Variants in ZFPM2 observed in about 807,000 individuals in gnomAD.
ZFPM2 encodes zinc finger protein ZFPM2.
A neutral mutation model predicts 98.6 loss-of-function variants in ZFPM2; 20 were observed. The ratio of observed to expected loss-of-function variants is 0.20; its 90% confidence interval spans 0.14 to 0.29. The LOEUF is 0.29. ZFPM2 is among the 10% of genes least tolerant of loss of function. The pLI is 1.00. For missense variants in ZFPM2, 1,310 were observed against 1,388.6 expected, an observed-to-expected ratio of 0.94 and a Z score of 0.90; for synonymous variants, 518 against 502.7, an observed-to-expected ratio of 1.03 and a Z score of -0.41.
At chr8:105,386,153 A>G (rs1810984569) in intron 1 of ZFPM2, among the ~76,000 whole-genome samples, 1 of 152,204 alleles carries the variant, frequency 6.6e-6, no homozygotes, top group Non-Finnish European at 1.5e-5. Flanking sequence ...AAGTCTTTTG[A>G]ACTGTAGTAA....
intron 2 of ZFPM2, among the ~76,000 whole-genome samples, chr8:105,425,990 T>C (rs1811900564): frequency 6.6e-6 from 1 of 152,176 alleles, no homozygotes; most frequent in Non-Finnish European, 1.5e-5. Flanking sequence ...AGAAAGTCTA[T>C]TTTGCTATAT....
At chr8:105,621,474 A>G (rs1487321925) in intron 4 of ZFPM2, among the ~76,000 whole-genome samples, 1 of 152,184 alleles carries the variant, frequency 6.6e-6, no homozygotes, top group Admixed American at 6.5e-5. Context: ...ATCTGCAAAC[A>G]GGGTCAATTT....
In ZFPM2 at chr8:105,394,397, G is replaced by T. The variant is rs374243969; in HGVS notation, c.41-24747G>T. The stretch of plus-strand genomic sequence containing the variant: ...CTTTTCTCTTGTGTTGTTTATTTCA[G>T]TAGGAATATATTACTCTTTAGCTCA... On this transcript the variant is annotated intron_variant, in intron 1 of 7. Transcript: ENST00000407775. Among the ~76,000 whole-genome samples, 5 of 152,216 alleles carry T rather than the reference G, an allele frequency of 3.3e-5. No individual in the cohort carries two copies. In the East Asian group the frequency reaches 7.7e-4, roughly 24 times the overall value.
At chr8:105,348,100 C>T (rs112171325) in intron 1 of ZFPM2, among the ~76,000 whole-genome samples, 1 of 152,112 alleles carries the variant, frequency 6.6e-6, no homozygotes, top group Admixed American at 6.6e-5. Flanking sequence ...ACAGTTATTT[C>T]TTTGCTTGAC....
At chr8:105,740,883 GCAA>G (rs1812199437) in intron 5 of ZFPM2, among the ~76,000 whole-genome samples, 1 of 152,002 alleles carries the variant, frequency 6.6e-6, no homozygotes, top group Admixed American at 6.6e-5. Flanking sequence ...GAAGAGGTTT[GCAA>G]TTTCAGATAA....
At chr8:105,542,897 T>C (rs1814610512) in intron 3 of ZFPM2, among the ~76,000 whole-genome samples, 1 of 152,208 alleles carries the variant, frequency 6.6e-6, no homozygotes, top group Non-Finnish European at 1.5e-5. Flanking sequence ...GTTTTGCTTA[T>C]ACTTGTTTGT....
intron 5 of ZFPM2, among the ~76,000 whole-genome samples, chr8:105,670,633 A>G (rs966412532): frequency 1.3e-4 from 19 of 151,820 alleles, no homozygotes; most frequent in African/African-American, 3.9e-4. Flanking sequence ...TACCCTGTAC[A>G]TTTTATACAT....
At chr8:105,531,964 G>A (rs1258646945) in intron 3 of ZFPM2, among the ~76,000 whole-genome samples, 1 of 152,008 alleles carries the variant, frequency 6.6e-6, no homozygotes, top group Non-Finnish European at 1.5e-5. Context: ...GCAGTGGTGT[G>A]ATCTCAGCTT....
chr8:105,427,156 A>G (rs1713369556), intron 2 of ZFPM2, among the ~76,000 whole-genome samples: 1 of 152,188 alleles, frequency 6.6e-6, no homozygotes, highest in Non-Finnish European at 1.5e-5. Flanking sequence ...CTCTCTTCTT[A>G]TGAGAGTAAA....
chr8:105,637,466 G>T (rs1204052147), intron 5 of ZFPM2, among the ~76,000 whole-genome samples: 1 of 152,042 alleles, frequency 6.6e-6, no homozygotes, highest in Non-Finnish European at 1.5e-5. Context: ...CTAGAATTAT[G>T]CAGTAAAAAA....
chr8:105,357,935 A>G (rs912743203), intron 1 of ZFPM2, among the ~76,000 whole-genome samples: 4 of 152,182 alleles, frequency 2.6e-5, no homozygotes, highest in African/African-American at 7.2e-5. Context: ...TTGCCACTCT[A>G]TTAGAATGAG....
chr8:105,618,940 AT>A (rs1816474329), intron 4 of ZFPM2, among the ~76,000 whole-genome samples: 2 of 152,186 alleles, frequency 1.3e-5, no homozygotes, highest in Non-Finnish European at 2.9e-5. Flanking sequence ...TATATTTTCA[AT>A]TTATTTTTAA....
At chr8:105,685,928 A>G (rs1053739766) in intron 5 of ZFPM2, among the ~76,000 whole-genome samples, 1 of 152,122 alleles carries the variant, frequency 6.6e-6, no homozygotes, top group African/African-American at 2.4e-5. Flanking sequence ...GTATTTTCAG[A>G]GAAAGTAATC....
chr8:105,770,613 A>G (rs1812958279), intron 5 of ZFPM2, among the ~76,000 whole-genome samples: 1 of 152,038 alleles, frequency 6.6e-6, no homozygotes, highest in African/African-American at 2.4e-5. Context: ...TTATAACTCA[A>G]CCTTAGAGGG....
chr8:105,563,680 G>A (rs1478586997), intron 4 of ZFPM2, among the ~76,000 whole-genome samples: 1 of 152,116 alleles, frequency 6.6e-6, no homozygotes, highest in Non-Finnish European at 1.5e-5. Context: ...GAGAAGGATT[G>A]TCTAAACATC....
At chr8:105,759,345 C>T (rs564166901) in intron 5 of ZFPM2, among the ~76,000 whole-genome samples, 15 of 152,068 alleles carry the variant, frequency 9.9e-5, no homozygotes, top group Non-Finnish European at 2.2e-4. Context: ...TTGACTTTGC[C>T]ATTATGGCCA....
intron 5 of ZFPM2, among the ~76,000 whole-genome samples, chr8:105,788,466 C>T (rs181114336): frequency 6.6e-6 from 1 of 152,246 alleles, no homozygotes; most frequent in Admixed American, 6.6e-5. Flanking sequence ...AAAATCTCTA[C>T]AAATTATGTT....
At chr8:105,651,913 C>A (rs1332767491) in intron 5 of ZFPM2, among the ~76,000 whole-genome samples, 1 of 152,102 alleles carries the variant, frequency 6.6e-6, no homozygotes, top group Non-Finnish European at 1.5e-5. Flanking sequence ...ATGTAACATT[C>A]CTTAGTGAGA....
At chr8:105,776,673 C>T (rs138901370) in intron 5 of ZFPM2, among the ~76,000 whole-genome samples, 1 of 152,240 alleles carries the variant, frequency 6.6e-6, no homozygotes, top group Non-Finnish European at 1.5e-5. Context: ...AAAATAGTCA[C>T]ATAAGTAATC....
Sources: allele counts gnomAD v4.1 joint callset (sites outside exome capture counted in the v4.1 genomes callset), GRCh38; gene constraint gnomAD v4.1.1; transcripts MANE v1.5; gene names NCBI Gene and HGNC (gene_info 2026-07-23, HGNC 2026-07-21).